The following SLC35A3 variants were observed in gnomAD, a reference collection of about 807,000 sequenced individuals.
SLC35A3 encodes solute carrier family 35 member A3, also known as UDP-N-acetylglucosamine transporter.
Under a neutral mutation model 39.0 loss-of-function variants are expected in SLC35A3, and 26 were observed. That is an observed-to-expected ratio of 0.67 (90% CI 0.49 to 0.92). The LOEUF (loss-of-function observed/expected upper bound fraction) is 0.92, where lower values mean the gene tolerates loss of function less well. SLC35A3 is among the 40% of genes least tolerant of loss of function. The pLI, the probability that SLC35A3 is intolerant of heterozygous loss-of-function variation, is 0.00. For synonymous variants in SLC35A3, 135 were observed against 133.1 expected (o/e 1.01, Z -0.10); for missense variants, 299 against 371.6 (o/e 0.80, Z 1.61).
intron 2 of SLC35A3, 23 bp from the exon 3 acceptor site, chr1:99,999,238 A>G: frequency 6.9e-7 from 1 of 1,456,062 alleles, no homozygotes; most frequent in Non-Finnish European, 9.2e-7. Context: ...TTAATTACTG[A>G]TTTTTCTCAT....
At chr1:100,020,837 A>G (rs1036633152) in intron 7 of SLC35A3, among the ~76,000 whole-genome samples, 1 of 152,232 alleles carries the variant, frequency 6.6e-6, no homozygotes, top group Admixed American at 6.5e-5. Context: ...AGGGAATAGT[A>G]TCTCTAAAGA....
At position 100,029,884 on chromosome 1, in the gene SLC35A3, T is replaced by C. The variant is rs1661130538; in HGVS notation, c.*7408T>C. 1 of 152,224 alleles carries C rather than the reference T, an allele frequency of 6.6e-6. No individual in the cohort carries two copies. Among genetic ancestry groups the C allele is most frequent in the South Asian group, 2.1e-4 (1 of 4,836 alleles). The allele number at this position is 152,224 out of a possible 1,614,324, so 9.4% of individuals were successfully genotyped here. A position where few individuals can be genotyped will look rare whatever the true frequency, so the allele number is the denominator to read the frequency against. ...ATATAGAGAGAGAGAGAGCATAGTA[T>C]TGTCATTTAGTTTTCACTTCTTATG... On this transcript the variant is annotated 3_prime_UTR_variant, in exon 8 of 8. Coordinates refer to ENST00000533028, the MANE Select transcript of SLC35A3 (RefSeq NM_012243.3).
rs752607628 is a variant in SLC35A3 at position 100,017,679 on chromosome 1, C to T, written c.754-3C>T. ...TTTAAAAAATATTTTTTTAAAACTT[C>T]AGGCACTTGGAGGCCTTGTAATAGC... is the stretch of plus-strand genomic sequence containing the variant. On this transcript the variant is annotated splice_region_variant and splice_polypyrimidine_tract_variant and intron_variant, in intron 6 of 7. Coordinates refer to ENST00000533028, the MANE Select transcript of SLC35A3 (RefSeq NM_012243.3). The T allele has an allele frequency of 5.2e-6, 8 of 1,524,284 alleles. No individual in the cohort carries two copies. The South Asian group carries it at 8.9e-5, about 17-fold the overall frequency. The allele number at this position is 1,524,284 out of a possible 1,614,324, so 94.4% of individuals were successfully genotyped here. A position where few individuals can be genotyped will look rare whatever the true frequency, so the allele number is the denominator to read the frequency against.
chr1:99,990,286 G>T (rs545983126), intron 1 of SLC35A3, among the ~76,000 whole-genome samples: 1 of 151,914 alleles, frequency 6.6e-6, no homozygotes, highest in Non-Finnish European at 1.5e-5. Context: ...TAAAAAATAC[G>T]TATATCTGGC....
chr1:100,026,620 A>C lies in SLC35A3; in HGVS notation c.*4144A>C, dbSNP rs868409348. On this transcript the variant is annotated 3_prime_UTR_variant, in exon 8 of 8. Coordinates refer to ENST00000533028, the MANE Select transcript of SLC35A3 (RefSeq NM_012243.3). ...ATAAACATTTGTGAACAGTACTTAA[A>C]TAAATTGTGATACTATTGCTCCATC... is the stretch of plus-strand genomic sequence containing the variant. 6.6e-6 allele frequency: 1 copy of C among 152,168 alleles called. No homozygotes were observed. Among genetic ancestry groups the C allele is most frequent in the African/African-American group, 2.4e-5 (1 of 41,430 alleles). 9.4% of individuals were successfully genotyped at this position (152,168 alleles called of 1,614,324 possible).
chr1:100,014,745 G>A lies in SLC35A3; in HGVS notation c.635-557G>A, dbSNP rs1659945953. The stretch of plus-strand genomic sequence containing the variant: ...TAGTGCTCCAAAGTTGGTAATGTAT[G>A]TTATTTTTTGTATTCTATGTCTTTG... On this transcript the variant is annotated intron_variant, in intron 5 of 7. Coordinates refer to ENST00000533028, the MANE Select transcript of SLC35A3 (RefSeq NM_012243.3). Among the ~76,000 whole-genome samples the A allele has an allele frequency of 3.3e-5, 5 of 152,092 alleles. No homozygotes were observed. In the South Asian group the frequency reaches 1.0e-3, roughly 31 times the overall value.
At chr1:99,976,273 T>C (rs1461449062) in intron 1 of SLC35A3, among the ~76,000 whole-genome samples, 1 of 152,200 alleles carries the variant, frequency 6.6e-6, no homozygotes, top group Non-Finnish European at 1.5e-5. Flanking sequence ...TTATAGTATG[T>C]GTAAACTTCT....
intron 2 of SLC35A3, among the ~76,000 whole-genome samples, chr1:99,994,530 A>G (rs753713023): frequency 2.0e-5 from 3 of 152,218 alleles, no homozygotes; most frequent in Non-Finnish European, 4.4e-5. Flanking sequence ...AATATTTCAT[A>G]TAAGTAGAAT....
At chr1:99,991,958 G>A (rs1658114477) in intron 1 of SLC35A3, among the ~76,000 whole-genome samples, 2 of 151,686 alleles carry the variant, frequency 1.3e-5, no homozygotes, top group Admixed American at 1.3e-4. Flanking sequence ...CATGTTGGCC[G>A]GGCTGGTCTC....
chr1:99,994,997 C>G (rs1349616668), intron 2 of SLC35A3, among the ~76,000 whole-genome samples: 1 of 151,992 alleles, frequency 6.6e-6, no homozygotes, highest in African/African-American at 2.4e-5. Context: ...TTTCAAATAG[C>G]CATTCTAATA....
chr1:99,970,346 C>G, intron 1 of SLC35A3, 184 bp downstream of exon 1: 1 of 582,280 alleles, frequency 1.7e-6, no homozygotes, highest in Non-Finnish European at 3.1e-6. Context: ...GGGGTGGGAG[C>G]AGATGAGGTG....
At chr1:100,020,619 C>T (rs1660466665) in intron 7 of SLC35A3, among the ~76,000 whole-genome samples, 1 of 152,048 alleles carries the variant, frequency 6.6e-6, no homozygotes, top group Non-Finnish European at 1.5e-5. Context: ...TACTGAGCTC[C>T]CTATATATGC....
chr1:99,978,279 A>T (rs1237622927), intron 1 of SLC35A3, among the ~76,000 whole-genome samples: 1 of 152,200 alleles, frequency 6.6e-6, no homozygotes, highest in Non-Finnish European at 1.5e-5. Context: ...CAATCCCAGC[A>T]CTGTGGGAAG....
chr1:99,992,562 CTT>C (rs1658154042), intron 1 of SLC35A3, among the ~76,000 whole-genome samples: 1 of 152,014 alleles, frequency 6.6e-6, no homozygotes, highest in South Asian at 2.1e-4. Context: ...CATATGAACT[CTT>C]GTACTATTTT....
chr1:99,996,068 A>G (rs1208596024), intron 2 of SLC35A3, among the ~76,000 whole-genome samples: 1 of 152,222 alleles, frequency 6.6e-6, no homozygotes. Context: ...AGTGAACCAA[A>G]GCATCTATAG....
At chr1:100,021,971 T>G (rs1339215053) in intron 7 of SLC35A3, among the ~76,000 whole-genome samples, 1 of 152,252 alleles carries the variant, frequency 6.6e-6, no homozygotes, top group Non-Finnish European at 1.5e-5. Context: ...TTGAATGTAT[T>G]GTATACAAAA....
intron 1 of SLC35A3, among the ~76,000 whole-genome samples, chr1:99,972,571 A>G (rs1232646801): frequency 6.6e-6 from 1 of 151,846 alleles, no homozygotes; most frequent in Non-Finnish European, 1.5e-5. Context: ...TCCTGGCCTC[A>G]AGTGATCCAC....
intron 1 of SLC35A3, chr1:99,992,994 G>C (rs1570587379): frequency 6.5e-6 from 1 of 152,740 alleles, no homozygotes. Context: ...ATTGGTTCAA[G>C]ACGAGGATGG....
chr1:99,981,312 A>G (rs567276797), intron 1 of SLC35A3, among the ~76,000 whole-genome samples: 5 of 152,128 alleles, frequency 3.3e-5, no homozygotes, highest in African/African-American at 9.7e-5. Context: ...GTAGACTGAT[A>G]TTGTTACTAA....
Sources: gnomAD v4.1 joint callset for allele counts (sites outside exome capture counted in the v4.1 genomes callset) on GRCh38, gnomAD v4.1.1 for gene constraint, MANE v1.5 for transcripts, NCBI Gene and HGNC (gene_info 2026-07-23, HGNC 2026-07-21) for gene names.